METTL15: variants seen among roughly 807,000 people sequenced by gnomAD.
METTL15 encodes 12S rRNA N(4)-cytidine methyltransferase METTL15.
In METTL15, 34 loss-of-function variants were observed where a neutral mutation model predicts 38.3. The ratio of observed to expected loss-of-function variants is 0.89; its 90% CI spans 0.68 to 1.18. The LOEUF (loss-of-function observed/expected upper bound fraction) is 1.18. Ranked by LOEUF, METTL15 falls within the 50% of genes most tolerant of loss-of-function variation. The pLI is 0.00. For synonymous variants in METTL15, 162 were observed against 170.9 expected, an observed-to-expected ratio of 0.95 and a Z score of 0.41; for missense variants, 438 against 498.4, an observed-to-expected ratio of 0.88 and a Z score of 1.15.
At chr11:28,321,239 T>A (rs1849456617) in intron 6 of METTL15, among the ~76,000 whole-genome samples, 1 of 152,198 alleles carries the variant, frequency 6.6e-6, no homozygotes, top group Non-Finnish European at 1.5e-5. Context: ...AACGTGATTT[T>A]CACAATAATC....
chr11:28,225,789 T>G (rs917816629), intron 4 of METTL15, among the ~76,000 whole-genome samples: 16 of 151,904 alleles, frequency 1.1e-4, no homozygotes, highest in Admixed American at 3.9e-4. Flanking sequence ...CTCTCTACCC[T>G]TATTTCTATT....
intron 6 of METTL15, among the ~76,000 whole-genome samples, chr11:28,318,800 A>G (rs563943813): frequency 1.1e-3 from 161 of 152,312 alleles, no homozygotes; most frequent in African/African-American, 3.2e-3. Flanking sequence ...AAGCCCATAT[A>G]TACTGCATTG....
chr11:28,360,193 T>C (rs1850124867), intron 4 of METTL15, among the ~76,000 whole-genome samples: 1 of 152,238 alleles, frequency 6.6e-6, no homozygotes, highest in African/African-American at 2.4e-5. Context: ...CAATTCATTC[T>C]TTCACTTGCC....
At chr11:28,412,574 T>G (rs1198104305) in intron 5 of METTL15, among the ~76,000 whole-genome samples, 1 of 151,984 alleles carries the variant, frequency 6.6e-6, no homozygotes, top group East Asian at 1.9e-4. Flanking sequence ...AAAGAGATTC[T>G]GACATTTGCC....
chr11:28,181,147 A>T (rs1565147430), intron 3 of METTL15, among the ~76,000 whole-genome samples: 1 of 151,718 alleles, frequency 6.6e-6, no homozygotes, highest in African/African-American at 2.4e-5. Flanking sequence ...CGATTATAAA[A>T]CATATGGTCT....
At chr11:28,178,324 A>G (rs754677303) in intron 3 of METTL15, among the ~76,000 whole-genome samples, 2 of 151,978 alleles carry the variant, frequency 1.3e-5, no homozygotes, top group Non-Finnish European at 2.9e-5. Context: ...ATAAAAATGT[A>G]TCAGTTATTT....
At chr11:28,389,699 C>A (rs1358903309) in intron 5 of METTL15, among the ~76,000 whole-genome samples, 1 of 151,730 alleles carries the variant, frequency 6.6e-6, no homozygotes, top group Non-Finnish European at 1.5e-5. Flanking sequence ...CATACGTGTG[C>A]ATGTGTCTTT....
chr11:28,488,382 A>G (rs571502696), intron 6 of METTL15, among the ~76,000 whole-genome samples: 35 of 152,230 alleles, frequency 2.3e-4, no homozygotes, highest in Non-Finnish European at 4.0e-4. Context: ...CTGTGTTTCT[A>G]AAGAATAACA....
chr11:28,258,230 T>C (rs1219138462), intron 4 of METTL15, among the ~76,000 whole-genome samples: 2 of 152,294 alleles, frequency 1.3e-5, no homozygotes, highest in Non-Finnish European at 2.9e-5. Context: ...TTCTAAACAA[T>C]GGGGTATCTC....
chr11:28,113,253 T>G (rs985697961), intron 2 of METTL15, 65 bp from the exon 3 acceptor site: 17 of 1,110,976 alleles, frequency 1.5e-5, no homozygotes, highest in Non-Finnish European at 2.1e-5. Context: ...TAATTTGATT[T>G]TCCCCAAGTA....
chr11:28,306,299 T>C (rs1045630277), intron 6 of METTL15, among the ~76,000 whole-genome samples: 3 of 152,102 alleles, frequency 2.0e-5, no homozygotes, highest in South Asian at 2.1e-4. Flanking sequence ...GTAGCAGTTT[T>C]CACATTGATA....
intron 3 of METTL15, among the ~76,000 whole-genome samples, chr11:28,135,811 A>G (rs558054017): frequency 5.2e-5 from 8 of 152,382 alleles, no homozygotes; most frequent in Middle Eastern, 3.4e-3. Context: ...AAAGGCTGTA[A>G]TTAGCTCAAA....
intron 6 of METTL15, among the ~76,000 whole-genome samples, chr11:28,436,997 A>G (rs1850988113): frequency 6.6e-6 from 1 of 152,200 alleles, no homozygotes; most frequent in Non-Finnish European, 1.5e-5. Flanking sequence ...TGACTTGCAG[A>G]GTCTTCCAGC....
chr11:28,319,401 A>G (rs1283370146), intron 6 of METTL15, among the ~76,000 whole-genome samples: 3 of 152,156 alleles, frequency 2.0e-5, no homozygotes, highest in Admixed American at 1.3e-4. Context: ...AAGAAGCTCA[A>G]CAACATTCTT....
chr11:28,390,483 G>C (rs1850491910), intron 5 of METTL15, among the ~76,000 whole-genome samples: 1 of 152,044 alleles, frequency 6.6e-6, no homozygotes, highest in Non-Finnish European at 1.5e-5. Flanking sequence ...TATTAAATAG[G>C]GAATCCTTTC....
At chr11:28,247,797 T>G (rs543872966) in intron 4 of METTL15, among the ~76,000 whole-genome samples, 1 of 152,216 alleles carries the variant, frequency 6.6e-6, no homozygotes, top group African/African-American at 2.4e-5. Flanking sequence ...CGAGATTTTT[T>G]GCATTATGTT....
At chr11:28,352,228 A>C (rs1322360941) in intron 4 of METTL15, 1 of 152,156 alleles carries the variant, frequency 6.6e-6, no homozygotes, top group Admixed American at 6.5e-5. Flanking sequence ...AAACCTATGA[A>C]ATCAGCCACC....
At chr11:28,255,129 A>C (rs1854919515) in intron 4 of METTL15, among the ~76,000 whole-genome samples, 1 of 152,036 alleles carries the variant, frequency 6.6e-6, no homozygotes, top group Non-Finnish European at 1.5e-5. Context: ...TGTGTCCTCT[A>C]CAATTTCTTT....
In METTL15 at chr11:28,218,931, C is replaced by T. The variant is rs576909454; in HGVS notation, c.407+7733C>T. 1.0e-3 allele frequency among the ~76,000 whole-genome samples: 155 copies of T among 152,262 alleles called. 1 individual carries two copies. The highest frequency in any genetic ancestry group is 1.7e-3 in the Non-Finnish European group (113 of 68,022). On this transcript the variant is annotated intron_variant, in intron 4 of 6. Transcript: ENST00000407364. Reference sequence around the variant, plus strand: ...AGCCCACTTGATCATGGTGGATAAGCTCTTTGATGTGTTGCTGGATTCGGT... The same window carrying T: ...AGCCCACTTGATCATGGTGGATAAGTTCTTTGATGTGTTGCTGGATTCGGT...
Sources: allele counts gnomAD v4.1 joint callset (sites outside exome capture counted in the v4.1 genomes callset), GRCh38; gene constraint gnomAD v4.1.1; transcripts MANE v1.5; gene names NCBI Gene and HGNC (gene_info 2026-07-23, HGNC 2026-07-21).